Variants in SMG8 observed in about 807,000 individuals in gnomAD.
SMG8 encodes the protein nonsense-mediated mRNA decay factor SMG8.
In SMG8, 49 loss-of-function variants were observed where a neutral mutation model predicts 82.1. That is an observed-to-expected ratio of 0.60 (90% CI 0.47 to 0.76). The LOEUF (loss-of-function observed/expected upper bound fraction) is 0.76, where lower values mean the gene tolerates loss of function less well. SMG8 is among the 30% of genes least tolerant of loss of function. SMG8 has a pLI of 0.00. For synonymous variants in SMG8, 404 were observed against 430.0 expected, an observed-to-expected ratio of 0.94 and a Z score of 0.75; for missense variants, 969 against 1,166.4, an observed-to-expected ratio of 0.83 and a Z score of 2.46.
rs1277270999 is a variant in SMG8, at chr17:59,211,583, AC to A, written c.1534del (p.Gln512SerfsTer10). 48 of 1,614,082 alleles carry A rather than the reference AC, an allele frequency of 3.0e-5. No homozygotes were observed. The highest frequency in any genetic ancestry group is 4.1e-5 in the Non-Finnish European group (48 of 1,180,042). ...GCTTTACCCATGGCCCACAGTGCCT[AC>A]CAGTCAAATTTGCCTCATAATTACA... Reference protein sequence around the residue: ...QKALPMAHSAYQSNLPHNYTM... With the variant: ...QKALPMAHSAXQSNLPHNYTM... On this transcript the variant is annotated frameshift_variant, in exon 1 of 4. Transcript: ENST00000300917. LOFTEE classifies it high-confidence loss of function.
Position 59,210,484 on chromosome 17 carries a change from G to A in SMG8, c.433G>A (p.Glu145Lys). 6.3e-7 allele frequency: 1 copy of A among 1,581,008 alleles called. No individual in the cohort carries two copies. ...CCTTCTGCAGGCCTACTACAGTCAGGAAAGCAAAGTTCTGTATCTTCTCCT... is the reference window on the plus strand; with the variant it reads ...CCTTCTGCAGGCCTACTACAGTCAGAAAAGCAAAGTTCTGTATCTTCTCCT... ...YSLLQAYYSQ[E>K]SKVLYLLLTS... Residue 145 changes from glutamate (E) to lysine (K), a missense_variant, in exon 1 of 4, where the codon GAA (glutamate) becomes AAA (lysine). Physicochemically the swap from Glu to Lys is moderately conservative, Grantham distance 56 (BLOSUM62 1). Coordinates refer to ENST00000300917, the MANE Select transcript of SMG8 (RefSeq NM_018149.7).
In SMG8 at chr17:59,210,523, G is replaced by T; in HGVS notation, c.472G>T (p.Asp158Tyr). ...VLYLLLTSICDNSQLLRACRA... is the reference protein window; with the variant it reads ...VLYLLLTSICYNSQLLRACRA... ...GTATCTTCTCCTCACCTCCATCTGT[G>T]ACAATTCACAGCTTCTCCGGGCTTG... The change falls in exon 1 of 4, where the codon GAC (aspartate) becomes TAC (tyrosine). Residue 158 changes from aspartate to tyrosine, a missense_variant. Transcript: ENST00000300917. 1.3e-6 allele frequency: 2 copies of T among 1,565,958 alleles called. No homozygotes were observed. Among genetic ancestry groups the T allele is most frequent in the Non-Finnish European group, 1.7e-6 (2 of 1,159,586 alleles).
rs549130197 is a variant in SMG8 at position 59,213,032 on chromosome 17, G to C, written c.2209G>C (p.Val737Leu). Residue 737 changes from valine to leucine, a missense_variant, in exon 3 of 4, where the codon GTT (valine) becomes CTT (leucine). This residue lies in a region of SMG8 where 662 missense variants were observed against 884.8 expected (regional missense o/e 0.75). Coordinates refer to ENST00000300917, the MANE Select transcript of SMG8 (RefSeq NM_018149.7). Reference protein sequence around the residue: ...EVKTEKRPNFVDRQASTVEYL... With the variant: ...EVKTEKRPNFLDRQASTVEYL... ...GAAAACTGAGAAGAGGCCAAACTTC[G>C]TTGATCGACAGGCATCCACAGTTGA... The C allele has an allele frequency of 6.2e-7, 1 of 1,614,150 alleles. No homozygotes were observed. Among genetic ancestry groups the C allele is most frequent in the South Asian group, 1.1e-5 (1 of 91,088 alleles).
At position 59,212,833 on chromosome 17, in the gene SMG8, T is replaced by C. The variant is rs768683348; in HGVS notation, c.2010T>C (p.Ala670=). Residue 670 remains alanine (A), a synonymous_variant, in exon 3 of 4, where the codon GCT becomes GCC. Coordinates refer to ENST00000300917, the MANE Select transcript of SMG8 (RefSeq NM_018149.7). ...PAPAKNESSP[A]PPDSDADKLK... ...CTGCTAAAAATGAATCCTCTCCTGC[T>C]CCTCCAGATTCGGATGCTGATAAAC... 1 of 1,614,038 alleles carries C rather than the reference T, an allele frequency of 6.2e-7. No individual in the cohort carries two copies.
In SMG8 at chr17:59,210,068, G is replaced by C; in HGVS notation, c.17G>C (p.Ser6Thr). 1 of 1,565,140 alleles carries C rather than the reference G, an allele frequency of 6.4e-7. No homozygotes were observed. Among genetic ancestry groups the C allele is most frequent in the Non-Finnish European group, 8.6e-7 (1 of 1,160,344 alleles). The change falls in exon 1 of 4, where the codon AGC (serine) becomes ACC (threonine). Residue 6 changes from serine to threonine, a missense_variant. Coordinates refer to ENST00000300917, the MANE Select transcript of SMG8 (RefSeq NM_018149.7). MAGPV[S>T]LRDLLMGASA... ...CTCTGCACTATGGCTGGTCCCGTGAGCTTGCGAGACCTTCTAATGGGAGCA... is the reference window on the plus strand; with the variant it reads ...CTCTGCACTATGGCTGGTCCCGTGACCTTGCGAGACCTTCTAATGGGAGCA...
chr17:59,213,895 A>G (rs1383005511), intron 3 of SMG8, among the ~76,000 whole-genome samples: 1 of 152,156 alleles, frequency 6.6e-6, no homozygotes. Context: ...CATACCTAAT[A>G]TTCTGTTTTT....
In SMG8 at chr17:59,211,693, G is replaced by A. The variant is rs774899403; in HGVS notation, c.1642G>A (p.Ala548Thr). The A allele has an allele frequency of 3.2e-5, 52 of 1,614,054 alleles. No individual in the cohort carries two copies. The East Asian group carries it at 4.0e-4, about 12-fold the overall frequency. Residue 548 changes from alanine (A) to threonine (T), a missense_variant, in exon 1 of 4, where the codon GCC becomes ACC. Ala to Thr is a moderately conservative substitution (Grantham distance 58). This residue lies in a region of SMG8 where 662 missense variants were observed against 884.8 expected (regional missense o/e 0.75). Transcript: ENST00000300917. ...TAGAGGTCCAGCATTTCACAAATAC[G>A]CCATGCAGTTACATGAGGACTGCTA... ...HARGPAFHKY[A>T]MQLHEDCYKF... is the part of the protein sequence containing the mutation.
At chr17:59,214,341 A>G (rs569284480) in intron 3 of SMG8, among the ~76,000 whole-genome samples, 2 of 152,304 alleles carry the variant, frequency 1.3e-5, no homozygotes, top group South Asian at 4.1e-4. Flanking sequence ...AGACTAAATA[A>G]TATACTATTG....
chr17:59,210,707 T>C lies in SMG8; in HGVS notation c.656T>C (p.Phe219Ser). The C allele has an allele frequency of 6.2e-7, 1 of 1,614,130 alleles. No homozygotes were observed. Among genetic ancestry groups the C allele is most frequent in the Non-Finnish European group, 8.5e-7 (1 of 1,180,020 alleles). ...ILLLVHPTCS[F>S]DITYDRVFRA... ...CTTCTGGTCCATCCCACTTGTTCCT[T>C]TGATATCACTTATGATCGAGTATTC... The change falls in exon 1 of 4, where the codon TTT becomes TCT. Residue 219 changes from phenylalanine (F) to serine (S), a missense_variant. By Grantham distance (155) the Phe-to-Ser change is radical. Coordinates refer to ENST00000300917, the MANE Select transcript of SMG8 (RefSeq NM_018149.7).
At position 59,211,520 on chromosome 17, in the gene SMG8, A is replaced by T. The variant is rs1351507374; in HGVS notation, c.1469A>T (p.Asp490Val). Reference sequence around the variant, plus strand: ...ATTAAAGTCTTGGAAGGATTTTTGGATATTGACACAAAATTCTCAGAAAAC... The same window carrying T: ...ATTAAAGTCTTGGAAGGATTTTTGGTTATTGACACAAAATTCTCAGAAAAC... ...SSIKVLEGFL[D>V]IDTKFSENRC... The change falls in exon 1 of 4, where the codon GAT becomes GTT. Residue 490 changes from aspartate (D) to valine (V), a missense_variant. This residue lies in a region of SMG8 where 662 missense variants were observed against 884.8 expected (regional missense o/e 0.75). Transcript: ENST00000300917. 1 of 1,613,824 alleles carries T rather than the reference A, an allele frequency of 6.2e-7. No homozygotes were observed. Among genetic ancestry groups the T allele is most frequent in the Admixed American group, 1.7e-5 (1 of 59,912 alleles).
At position 59,210,094 on chromosome 17, in the gene SMG8, T is replaced by A; in HGVS notation, c.43T>A (p.Ser15Thr). Residue 15 changes from serine to threonine, a missense_variant, in exon 1 of 4, where the codon TCA becomes ACA. Around this residue, in one of 3 missense-constraint regions of SMG8, gnomAD observed 206 missense variants for 190.5 expected, o/e 1.08. Transcript: ENST00000300917. ...VSLRDLLMGASAWMGSESPGG... is the reference protein window; with the variant it reads ...VSLRDLLMGATAWMGSESPGG... ...CTTGCGAGACCTTCTAATGGGAGCATCAGCCTGGATGGGCTCTGAAAGTCC... is the reference window on the plus strand; with the variant it reads ...CTTGCGAGACCTTCTAATGGGAGCAACAGCCTGGATGGGCTCTGAAAGTCC... 6.3e-7 allele frequency: 1 copy of A among 1,581,674 alleles called. No individual in the cohort carries two copies.
chr17:59,210,914 C>G lies in SMG8; in HGVS notation c.863C>G (p.Pro288Arg). The G allele has an allele frequency of 6.2e-7, 1 of 1,614,158 alleles. No homozygotes were observed. Among genetic ancestry groups the G allele is most frequent in the Non-Finnish European group, 8.5e-7 (1 of 1,180,044 alleles). Residue 288 changes from proline to arginine, a missense_variant, in exon 1 of 4, where the codon CCA (proline) becomes CGA (arginine). Physicochemically the swap from Pro to Arg is moderately radical, Grantham distance 103. Coordinates refer to ENST00000300917, the MANE Select transcript of SMG8 (RefSeq NM_018149.7). ...EPPRNQDPAH[P>R]DKPKKHSPKR... ...CCTCGGAACCAAGACCCAGCTCATCCAGACAAGCCCAAGAAACATTCTCCC... is the reference window on the plus strand; with the variant it reads ...CCTCGGAACCAAGACCCAGCTCATCGAGACAAGCCCAAGAAACATTCTCCC...
chr17:59,213,034 TG>T lies in SMG8; in HGVS notation c.2212del (p.Asp738IlefsTer34), dbSNP rs1207218260. 4.3e-6 allele frequency: 7 copies of T among 1,614,088 alleles called. No homozygotes were observed. Among genetic ancestry groups the T allele is most frequent in the Non-Finnish European group, 5.9e-6 (7 of 1,180,054 alleles). Reference sequence around the variant, plus strand: ...AAACTGAGAAGAGGCCAAACTTCGTTGATCGACAGGCATCCACAGTTGAGTA... The same window carrying T: ...AAACTGAGAAGAGGCCAAACTTCGTTATCGACAGGCATCCACAGTTGAGTA... ...VKTEKRPNFV[D>X]RQASTVEYLP... On this transcript the variant is annotated frameshift_variant, in exon 3 of 4. Transcript: ENST00000300917. LOFTEE classifies it high-confidence loss of function.
In SMG8 at chr17:59,211,280, T is replaced by C. The variant is rs1404126360; in HGVS notation, c.1229T>C (p.Leu410Pro). The change falls in exon 1 of 4, where the codon CTT (leucine) becomes CCT (proline). Residue 410 changes from leucine (L) to proline (P), a missense_variant. Around this residue, in one of 3 missense-constraint regions of SMG8, gnomAD observed 662 missense variants for 884.8 expected, o/e 0.75. Coordinates refer to ENST00000300917, the MANE Select transcript of SMG8 (RefSeq NM_018149.7). Reference sequence around the variant, plus strand: ...TCAGGCCAGCTAGTGGATTTCACTCTTCGGGAATTCCTATGGCAGCATGTG... The same window carrying C: ...TCAGGCCAGCTAGTGGATTTCACTCCTCGGGAATTCCTATGGCAGCATGTG... ...SSSGQLVDFT[L>P]REFLWQHVEL... The C allele has an allele frequency of 5.0e-6, 8 of 1,614,034 alleles. No homozygotes were observed. The highest frequency in any genetic ancestry group is 6.8e-6 in the Non-Finnish European group (8 of 1,179,942).
In SMG8 at chr17:59,211,401, A is replaced by G; in HGVS notation, c.1350A>G (p.Ser450=). 1 of 1,614,112 alleles carries G rather than the reference A, an allele frequency of 6.2e-7. No individual in the cohort carries two copies. Among genetic ancestry groups the G allele is most frequent in the Non-Finnish European group, 8.5e-7 (1 of 1,179,926 alleles). Residue 450 remains serine (S), a synonymous_variant, in exon 1 of 4, where the codon TCA becomes TCG. Transcript: ENST00000300917. The part of the protein sequence containing the change: ...FELPTYQKWI[S]AASKLYEVAI... ...TTCCTACTTATCAGAAGTGGATCTC[A>G]GCAGCTTCAAAACTGTATGAGGTGG...
chr17:59,213,166 A>G lies in SMG8; in HGVS notation c.2343A>G (p.Thr781=), dbSNP rs2046953031. Residue 781 remains threonine (T), a synonymous_variant, in exon 3 of 4, where the codon ACA becomes ACG. Coordinates refer to ENST00000300917, the MANE Select transcript of SMG8 (RefSeq NM_018149.7). ...LGPAKSYNFH[T]GLDQQGFIPG... is the part of the protein sequence containing the mutation. ...CTGCTAAGTCTTATAACTTTCATAC[A>G]GGTTTGGACCAACAGGGCTTTATTC... The G allele has an allele frequency of 6.2e-7, 1 of 1,614,208 alleles. No individual in the cohort carries two copies. Among genetic ancestry groups the G allele is most frequent in the Non-Finnish European group, 8.5e-7 (1 of 1,180,048 alleles).
chr17:59,214,466 A>G (rs2147865565), intron 3 of SMG8, among the ~76,000 whole-genome samples: 1 of 151,002 alleles, frequency 6.6e-6, no homozygotes, highest in South Asian at 2.2e-4. Flanking sequence ...GCTGGAGGGC[A>G]GTGGTGCAAT....
At chr17:59,212,126 G>C in intron 1 of SMG8, 3 of 435,348 alleles carry the variant, frequency 6.9e-6, no homozygotes, top group Non-Finnish European at 1.2e-5. Context: ...TGTTATGTTA[G>C]ATGATGGTAC....
At position 59,212,332 on chromosome 17, in the gene SMG8, AT is replaced by A; in HGVS notation, c.1760-5del. 1.9e-6 allele frequency: 3 copies of A among 1,553,046 alleles called. No homozygotes were observed. The highest frequency in any genetic ancestry group is 2.4e-5 in the South Asian group (2 of 82,620). The stretch of plus-strand genomic sequence containing the variant: ...TTATGAAATTAATAGTGGCTGTTAT[AT>A]TTTCCAGGAGAAAAACCAGAGGCTG... On this transcript the variant is annotated splice_region_variant and splice_polypyrimidine_tract_variant and intron_variant, in intron 1 of 3. Coordinates refer to ENST00000300917, the MANE Select transcript of SMG8 (RefSeq NM_018149.7).
Sources: gnomAD v4.1 joint callset for allele counts (sites outside exome capture counted in the v4.1 genomes callset) on GRCh38, gnomAD v4.1.1 for gene constraint, gnomAD v4.1.1 regional missense constraint, MANE v1.5 for transcripts, NCBI Gene and HGNC (gene_info 2026-07-23, HGNC 2026-07-21) for gene names.